The following KAT6A variants were observed in gnomAD, a reference collection of about 807,000 sequenced individuals.
KAT6A encodes histone acetyltransferase KAT6A.
KAT6A carries 9 observed loss-of-function variants against 198.4 expected under a neutral mutation model. That is an observed-to-expected ratio of 0.05 (90% CI 0.03 to 0.08). The LOEUF (loss-of-function observed/expected upper bound fraction) is 0.08. Among genes scored for constraint, KAT6A ranks in the 10% least tolerant of loss-of-function variants. KAT6A has a pLI of 1.00. For missense variants in KAT6A, 2,077 were observed against 2,509.9 expected (o/e 0.83, Z 3.69); for synonymous variants, 890 against 883.0 (o/e 1.01, Z -0.14).
Position 41,933,001 on chromosome 8 carries a change from C to T in KAT6A, c.5219G>A (p.Gly1740Asp). The T allele has an allele frequency of 6.2e-7, 1 of 1,614,094 alleles. No homozygotes were observed. Among genetic ancestry groups the T allele is most frequent in the Non-Finnish European group, 8.5e-7 (1 of 1,180,006 alleles). Reference sequence around the variant, plus strand: ...TGATGGTTGAGAGTAGCTGCCGGCACCAAAATCCCCTGGAATCCTCTCATA... The same window carrying T: ...TGATGGTTGAGAGTAGCTGCCGGCATCAAAATCCCCTGGAATCCTCTCATA... The part of the protein sequence containing the change: ...SIYERIPGDF[G>D]AGSYSQPSAT... Residue 1740 changes from glycine to aspartate, a missense_variant, in exon 17 of 17, where the codon GGT (glycine) becomes GAT (aspartate). Coordinates refer to ENST00000265713, the MANE Select transcript of KAT6A (RefSeq NM_006766.5). The surrounding 1 kb of genome is among the most constrained non-coding windows in gnomAD (Gnocchi z 6.2).
intron 2 of KAT6A, among the ~76,000 whole-genome samples, chr8:42,009,387 G>C (rs1825900688): frequency 6.6e-6 from 1 of 151,012 alleles, no homozygotes; most frequent in Non-Finnish European, 1.5e-5. Context: ...GATTCTTGCT[G>C]AACAACCATA....
intron 14 of KAT6A, chr8:41,942,524 C>T (rs1822191142): frequency 9.2e-6 from 4 of 433,502 alleles, no homozygotes; most frequent in African/African-American, 5.9e-5. Flanking sequence ...AACTGAGCTG[C>T]TTCTTGGCAC....
intron 3 of KAT6A, among the ~76,000 whole-genome samples, chr8:41,986,580 T>C (rs1229840071): frequency 6.6e-6 from 1 of 152,224 alleles, no homozygotes; most frequent in East Asian, 1.9e-4. Flanking sequence ...GAAAGTGTTT[T>C]ATATATATAA....
At chr8:42,020,975 T>TGG (rs200336971) in intron 2 of KAT6A, among the ~76,000 whole-genome samples, 12 of 151,526 alleles carry the variant, frequency 7.9e-5, no homozygotes, top group African/African-American at 1.5e-4. Flanking sequence ...AACTTAACAA[T>TGG]GGGGGGGGTA....
intron 8 of KAT6A, among the ~76,000 whole-genome samples, chr8:41,969,536 A>T (rs1823671720): frequency 6.6e-6 from 1 of 152,140 alleles, no homozygotes; most frequent in Admixed American, 6.5e-5. Context: ...CCACCCCTCT[A>T]GTCCTAGCTA....
chr8:41,935,792 G>A (rs1006818694), intron 16 of KAT6A, among the ~76,000 whole-genome samples: 21 of 152,118 alleles, frequency 1.4e-4, no homozygotes, highest in African/African-American at 4.8e-4. Flanking sequence ...AAGTCCATGG[G>A]AACTTAATCA....
intron 8 of KAT6A, among the ~76,000 whole-genome samples, chr8:41,971,168 C>T (rs988565251): frequency 6.9e-6 from 1 of 145,836 alleles, no homozygotes; most frequent in African/African-American, 2.6e-5. Context: ...CACATGTATA[C>T]ATATACGTAA....
At chr8:42,004,643 C>T (rs994448114) in intron 2 of KAT6A, among the ~76,000 whole-genome samples, 1 of 152,088 alleles carries the variant, frequency 6.6e-6, no homozygotes, top group Non-Finnish European at 1.5e-5. Context: ...ATCACTACTT[C>T]GGCCGGGTGC....
intron 3 of KAT6A, among the ~76,000 whole-genome samples, chr8:41,982,813 T>C (rs1456771588): frequency 6.6e-6 from 1 of 152,226 alleles, no homozygotes; most frequent in East Asian, 1.9e-4. Flanking sequence ...TGTTATCTAT[T>C]ATTCTTAACC....
chr8:42,046,234 T>A (rs1802284918), intron 2 of KAT6A, among the ~76,000 whole-genome samples: 1 of 152,098 alleles, frequency 6.6e-6, no homozygotes, highest in Non-Finnish European at 1.5e-5. Flanking sequence ...CAAGTGTAAT[T>A]ACAATAAAAG....
intron 2 of KAT6A, among the ~76,000 whole-genome samples, chr8:41,990,778 G>T (rs772151056): frequency 1.3e-5 from 2 of 152,144 alleles, no homozygotes; most frequent in Non-Finnish European, 2.9e-5. Flanking sequence ...CGGATCACAA[G>T]GTCAGGAGTT....
intron 8 of KAT6A, among the ~76,000 whole-genome samples, chr8:41,967,562 T>A (rs1030814039): frequency 6.6e-6 from 1 of 151,668 alleles, no homozygotes; most frequent in East Asian, 1.9e-4. Context: ...TTTTTTGTTC[T>A]TGCGATAGTT....
intron 8 of KAT6A, chr8:41,974,239 G>A (rs1823940080): frequency 6.6e-6 from 1 of 152,018 alleles, no homozygotes. Context: ...CAACATACCT[G>A]GCTAATTTTT....
rs772389785 is a variant in KAT6A at position 41,933,687 on chromosome 8, C to G, written c.4533G>C (p.Gln1511His). Reference sequence around the variant, plus strand: ...ACAGGGATCCTTGTTCTGGGCTGATCTGGGTGTAGCCACTCTCAAGGGCAG... The same window carrying G: ...ACAGGGATCCTTGTTCTGGGCTGATGTGGGTGTAGCCACTCTCAAGGGCAG... ...NVPALESGYT[Q>H]ISPEQGSLSA... Residue 1511 changes from glutamine to histidine, a missense_variant, in exon 17 of 17, where the codon CAG becomes CAC. Physicochemically the swap from Gln to His is conservative, Grantham distance 24 (BLOSUM62 0). Transcript: ENST00000265713. This position sits in a 1 kb window ranked among gnomAD's most constrained non-coding sequence, Gnocchi z 6.2. 8.1e-6 allele frequency: 13 copies of G among 1,613,952 alleles called. No homozygotes were observed. Among genetic ancestry groups the G allele is most frequent in the African/African-American group, 1.3e-5 (1 of 74,870 alleles).
chr8:42,033,810 A>G (rs1262839431), intron 2 of KAT6A, among the ~76,000 whole-genome samples: 2 of 152,228 alleles, frequency 1.3e-5, no homozygotes, highest in East Asian at 3.8e-4. Flanking sequence ...CAACCCAAAC[A>G]AAACAGTTAA....
intron 2 of KAT6A, among the ~76,000 whole-genome samples, chr8:42,000,550 C>CA (rs1398125777): frequency 6.9e-6 from 1 of 145,938 alleles, no homozygotes; most frequent in African/African-American, 2.5e-5. Context: ...GACTCCATCT[C>CA]AAAAAAACAG....
At chr8:42,031,024 T>G (rs1193619285) in intron 2 of KAT6A, among the ~76,000 whole-genome samples, 1 of 57,212 alleles carries the variant, frequency 1.7e-5, no homozygotes, top group Non-Finnish European at 2.8e-5. Context: ...TGCTGCCAAA[T>G]GCAAAAAAAA....
At chr8:41,957,101 T>C (rs1178169675) in intron 8 of KAT6A, 1 of 605,058 alleles carries the variant, frequency 1.7e-6, no homozygotes, top group East Asian at 3.5e-5. Flanking sequence ...TGCCCGCTGC[T>C]CTTCTAGGCG....
chr8:42,025,203 GTTTT>G (rs150690765), intron 2 of KAT6A, among the ~76,000 whole-genome samples: 1 of 150,904 alleles, frequency 6.6e-6, no homozygotes, highest in Non-Finnish European at 1.5e-5. Flanking sequence ...TGATGCTGAG[GTTTT>G]TTTTTGTTTT....
Sources: gnomAD v4.1 joint callset for allele counts (sites outside exome capture counted in the v4.1 genomes callset) on GRCh38, gnomAD v4.1.1 for gene constraint, Gnocchi (gnomAD v3.1) non-coding constraint, MANE v1.5 for transcripts, NCBI Gene and HGNC (gene_info 2026-07-23, HGNC 2026-07-21) for gene names.